The following ZC3H3 variants were observed in gnomAD, a reference collection of about 807,000 sequenced individuals.
The protein encoded by ZC3H3 is zinc finger CCCH-type containing 3.
ZC3H3 carries 36 observed loss-of-function variants against 77.3 expected under a neutral mutation model. The ratio of observed to expected loss-of-function variants is 0.47; its 90% CI spans 0.36 to 0.61. ZC3H3 has a LOEUF of 0.61. ZC3H3 is among the 20% of genes least tolerant of loss of function. The probability of loss-of-function intolerance (pLI) is 0.00; values close to 1 mark genes in which losing one functional copy is unlikely to be tolerated. For synonymous variants in ZC3H3, 626 were observed against 555.2 expected (o/e 1.13, Z -1.79); for missense variants, 1,331 against 1,312.2 (o/e 1.01, Z -0.22).
chr8:143,494,431 C>G lies in ZC3H3; in HGVS notation c.1715+13315G>C, dbSNP rs421091. Among the ~76,000 whole-genome samples the G allele has an allele frequency of 0.028, 4,268 of 152,208 alleles. 180 individuals are homozygous for G. The highest frequency in any genetic ancestry group is 0.097 in the African/African-American group (4,014 of 41,508). On this transcript the variant is annotated intron_variant, in intron 4 of 11. Transcript: ENST00000262577. The surrounding 1 kb of genome is among the most constrained non-coding windows in gnomAD (Gnocchi z 5.3). ...ATGCCTGCCAGCGTGGAGGATGGGG[C>G]TCCGGCAGATGACCCCCGAGGGGTG...
chr8:143,465,983 AC>A, intron 8 of ZC3H3, 135 bp from the exon 9 acceptor site: 2 of 1,274,522 alleles, frequency 1.6e-6, no homozygotes, highest in Admixed American at 2.4e-5. Flanking sequence ...AAGGGCAGCC[AC>A]CACGACCTGC....
In ZC3H3 at chr8:143,460,211, G is replaced by A. The variant is rs1820222275; in HGVS notation, c.2307+5506C>T. On this transcript the variant is annotated intron_variant, in intron 9 of 11. Transcript: ENST00000262577. The surrounding 1 kb of genome is among the most constrained non-coding windows in gnomAD (Gnocchi z 4.0). ...TGCAGTGAGCCGAGATCATGCCATTGCACTCCAGCCTGGGCGACAGAGTGA... is the reference window on the plus strand; with the variant it reads ...TGCAGTGAGCCGAGATCATGCCATTACACTCCAGCCTGGGCGACAGAGTGA... 6.6e-6 allele frequency among the ~76,000 whole-genome samples: 1 copy of A among 151,824 alleles called. No homozygotes were observed. Among genetic ancestry groups the A allele is most frequent in the African/African-American group, 2.4e-5 (1 of 41,310 alleles).
intron 4 of ZC3H3, chr8:143,484,740 C>T: frequency 2.9e-6 from 1 of 339,080 alleles, no homozygotes; most frequent in Non-Finnish European, 5.8e-6. Context: ...GTGCCAGCTA[C>T]TGAGGGGCAG....
rs1340840455 is a variant in ZC3H3 at position 143,440,223 on chromosome 8, G to C, written c.2633C>G (p.Ser878Cys). 1 of 1,603,284 alleles carries C rather than the reference G, an allele frequency of 6.2e-7. No homozygotes were observed. The highest frequency in any genetic ancestry group is 1.1e-5 in the South Asian group (1 of 89,492). Residue 878 changes from serine (S) to cysteine (C), a missense_variant, in exon 11 of 12, where the codon TCC (serine) becomes TGC (cysteine). Coordinates refer to ENST00000262577, the MANE Select transcript of ZC3H3 (RefSeq NM_015117.3). ...CAAGGAAGCGGGAGGGGATGAGGAG[G>C]AGGAGGAGGAGGAGGAAGCCTTCGA... Reference protein sequence around the residue: ...SSSKASSSSSSSSSPPASLDH... With the variant: ...SSSKASSSSSCSSSPPASLDH...
intron 4 of ZC3H3, among the ~76,000 whole-genome samples, chr8:143,506,224 G>A (rs1193432721): frequency 1.3e-5 from 2 of 152,312 alleles, no homozygotes; most frequent in Non-Finnish European, 1.5e-5. Flanking sequence ...TGCTGGGTCC[G>A]CCCTGAGGAA....
chr8:143,471,316 A>G (rs401534), intron 5 of ZC3H3, among the ~76,000 whole-genome samples: 152,005 of 152,372 alleles, frequency 1, 75,819 homozygotes, highest in East Asian at 1. Context: ...GGTGCCCCAG[A>G]AGAGGCAGTG....
At chr8:143,536,714 G>A (rs541871089) in intron 2 of ZC3H3, among the ~76,000 whole-genome samples, 2 of 152,316 alleles carry the variant, frequency 1.3e-5, no homozygotes, top group East Asian at 3.9e-4. Context: ...AGGGAGAGCA[G>A]AGGGGCCTCA....
intron 3 of ZC3H3, among the ~76,000 whole-genome samples, chr8:143,522,916 T>A (rs1485747790): frequency 6.8e-6 from 1 of 146,354 alleles, no homozygotes; most frequent in Non-Finnish European, 1.5e-5. Context: ...CAAGACCCTG[T>A]CTCAAAAAAA....
intron 11 of ZC3H3, 87 bp from the exon 12 acceptor site, chr8:143,438,174 G>T: frequency 6.6e-7 from 1 of 1,509,688 alleles, no homozygotes; most frequent in East Asian, 2.4e-5. Flanking sequence ...GCTCAGGATC[G>T]GGGGGCTCTG....
At chr8:143,514,767 C>G (rs1481149608) in intron 3 of ZC3H3, among the ~76,000 whole-genome samples, 2 of 152,244 alleles carry the variant, frequency 1.3e-5, no homozygotes, top group Admixed American at 1.3e-4. Context: ...GACCAACAGC[C>G]TCGTTTCTAC....
chr8:143,507,985 G>T (rs1393349846), intron 3 of ZC3H3, 86 bp from the exon 4 acceptor site: 23 of 1,397,960 alleles, frequency 1.6e-5, no homozygotes, highest in Middle Eastern at 2.4e-4. Flanking sequence ...TGCCAGCTCT[G>T]CCCACCGCCT....
chr8:143,464,711 C>G (rs1230659758), intron 9 of ZC3H3, among the ~76,000 whole-genome samples: 5 of 152,158 alleles, frequency 3.3e-5, no homozygotes, highest in Admixed American at 2.6e-4. Flanking sequence ...GACCCTGAGG[C>G]AGCGCCAACA....
chr8:143,467,193 A>T (rs1413890468), intron 8 of ZC3H3, among the ~76,000 whole-genome samples: 1 of 152,186 alleles, frequency 6.6e-6, no homozygotes, highest in Admixed American at 6.5e-5. Flanking sequence ...AATTAGCTCT[A>T]ATAAAAAGGG....
chr8:143,513,577 G>A (rs752817259), intron 3 of ZC3H3, among the ~76,000 whole-genome samples: 14 of 152,220 alleles, frequency 9.2e-5, no homozygotes, highest in Non-Finnish European at 1.9e-4. Flanking sequence ...CCATGTTCCC[G>A]AGAGCCCTGG....
At chr8:143,480,855 C>T (rs1820889182) in intron 4 of ZC3H3, among the ~76,000 whole-genome samples, 1 of 152,148 alleles carries the variant, frequency 6.6e-6, no homozygotes, top group Non-Finnish European at 1.5e-5. Flanking sequence ...GGAAGGGGCC[C>T]GGTCTCTTGA....
In ZC3H3 at chr8:143,490,824, A is replaced by G. The variant is rs762653020; in HGVS notation, c.1716-15239T>C. Among the ~76,000 whole-genome samples, 13 of 152,214 alleles carry G rather than the reference A, an allele frequency of 8.5e-5. 1 individual carries two copies. The highest frequency in any genetic ancestry group is 2.0e-4 in the Admixed American group (3 of 15,288). On this transcript the variant is annotated intron_variant, in intron 4 of 11. Coordinates refer to ENST00000262577, the MANE Select transcript of ZC3H3 (RefSeq NM_015117.3). Reference sequence around the variant, plus strand: ...CAGCTACTCCGGAGGCTGAAGTGGGAGAATTGCTTGAGCCCAAGAGGCAGA... The same window carrying G: ...CAGCTACTCCGGAGGCTGAAGTGGGGGAATTGCTTGAGCCCAAGAGGCAGA...
At chr8:143,478,784 ACAGG>A (rs1318697362) in intron 4 of ZC3H3, among the ~76,000 whole-genome samples, 1 of 152,228 alleles carries the variant, frequency 6.6e-6, no homozygotes, top group Non-Finnish European at 1.5e-5. Flanking sequence ...TGCCGGGATT[ACAGG>A]CATGAGCCAC....
At chr8:143,490,009 A>G (rs1261872367) in intron 4 of ZC3H3, among the ~76,000 whole-genome samples, 1 of 151,914 alleles carries the variant, frequency 6.6e-6, no homozygotes, top group African/African-American at 2.4e-5. Flanking sequence ...CCACACCCAC[A>G]CTCCAGGCCA....
Position 143,475,577 on chromosome 8 carries a change from A to T in ZC3H3, c.1724T>A (p.Val575Glu). Residue 575 changes from valine to glutamate, a missense_variant, in exon 5 of 12, where the codon GTG (valine) becomes GAG (glutamate). Physicochemically the swap from Val to Glu is moderately radical, Grantham distance 121 (BLOSUM62 -2). This residue lies in a region of ZC3H3 where 978 missense variants were observed against 915.5 expected (regional missense o/e 1.07). Coordinates refer to ENST00000262577, the MANE Select transcript of ZC3H3 (RefSeq NM_015117.3). ...GGCAACTGGACGCAGGCGGTTCAGC[A>T]CCAGGGACCTGCAGAGACAGGAAAT... ...ARRLSLSRSL[V>E]LNRLRPVASG... 1 of 1,597,446 alleles carries T rather than the reference A, an allele frequency of 6.3e-7. No homozygotes were observed. Among genetic ancestry groups the T allele is most frequent in the Non-Finnish European group, 8.5e-7 (1 of 1,172,404 alleles).
Sources: gnomAD v4.1 joint callset for allele counts (sites outside exome capture counted in the v4.1 genomes callset) on GRCh38, gnomAD v4.1.1 for gene constraint, gnomAD v4.1.1 regional missense constraint, Gnocchi (gnomAD v3.1) non-coding constraint, MANE v1.5 for transcripts, NCBI Gene and HGNC (gene_info 2026-07-23, HGNC 2026-07-21) for gene names.